Variants in TET2 observed in about 807,000 individuals in gnomAD.
TET2 encodes tet methylcytosine dioxygenase 2, also known as methylcytosine dioxygenase TET2.
TET2 carries 299 observed loss-of-function variants against 142.9 expected under a neutral mutation model. The ratio of observed to expected loss-of-function variants is 2.09; its 90% CI spans 1.90 to 2.30. TET2 has a LOEUF of 2.30. TET2 is among the 30% of genes most tolerant of loss of function. The pLI is 0.00. For synonymous variants in TET2, 819 were observed against 849.0 expected, an observed-to-expected ratio of 0.96 and a Z score of 0.61; for missense variants, 2,418 against 2,378.0, an observed-to-expected ratio of 1.02 and a Z score of -0.35.
At position 105,277,737 on chromosome 4, in the gene TET2, C is replaced by CA. The variant is rs1367762874; in HGVS notation, c.*1223dup. ...AAAATTGTATGACAAGTTCATTGCT[C>CA]AAAAATGTACAGTTTTAAGAATTTT... On this transcript the variant is annotated 3_prime_UTR_variant, in exon 11 of 11. Transcript: ENST00000380013. 1 of 227,730 alleles carries CA rather than the reference C, an allele frequency of 4.4e-6. No individual in the cohort carries two copies. Among genetic ancestry groups the CA allele is most frequent in the Non-Finnish European group, 8.7e-6 (1 of 114,812 alleles). The allele number at this position is 227,730 out of a possible 1,614,324, so 14.1% of individuals were successfully genotyped here. A position where few individuals can be genotyped will look rare whatever the true frequency, so the allele number is the denominator to read the frequency against.
At chr4:105,233,866 A>G (rs774406894) in intron 2 of TET2, 31 bp from the exon 3 acceptor site, 9 of 1,176,876 alleles carry the variant, frequency 7.6e-6, no homozygotes, top group South Asian at 1.5e-5. Context: ...AGAAATAAAC[A>G]CATTTTAATT....
At chr4:105,158,149 G>A (rs1247000545) in intron 1 of TET2, among the ~76,000 whole-genome samples, 1 of 152,052 alleles carries the variant, frequency 6.6e-6, no homozygotes, top group Non-Finnish European at 1.5e-5. Context: ...CTAGGGTATG[G>A]CATTTTAAAG....
chr4:105,275,164 C>G lies in TET2; in HGVS notation c.4654C>G (p.Pro1552Ala). Residue 1552 changes from proline to alanine, a missense_variant, in exon 11 of 11, where the codon CCT becomes GCT. Transcript: ENST00000380013. ...ACCCCAGCAGCAGCAGCCACATCAC[C>G]CTCAGACAGAGTCTGTCAACTCTTA... ...QRPQQQQPHH[P>A]QTESVNSYSA... is the part of the protein sequence containing the mutation. The G allele has an allele frequency of 6.4e-7, 1 of 1,552,220 alleles. No homozygotes were observed. Among genetic ancestry groups the G allele is most frequent in the Non-Finnish European group, 8.7e-7 (1 of 1,147,094 alleles).
chr4:105,236,299 A>C lies in TET2; in HGVS notation c.2357A>C (p.His786Pro). The C allele has an allele frequency of 1.2e-6, 2 of 1,614,126 alleles. No individual in the cohort carries two copies. The highest frequency in any genetic ancestry group is 1.7e-6 in the Non-Finnish European group (2 of 1,180,014). Reference protein sequence around the residue: ...FGQTKVEECFHGENQYSKSSE... With the variant: ...FGQTKVEECFPGENQYSKSSE... The stretch of plus-strand genomic sequence containing the variant: ...CAGACTAAAGTGGAAGAATGTTTTC[A>C]TGGTGAAAATCAGTATTCAAAATCA... The change falls in exon 3 of 11, where the codon CAT (histidine) becomes CCT (proline). Residue 786 changes from histidine to proline, a missense_variant. Physicochemically the swap from His to Pro is moderately conservative, Grantham distance 77 (BLOSUM62 -2). Coordinates refer to ENST00000380013, the MANE Select transcript of TET2 (RefSeq NM_001127208.3).
In TET2 at chr4:105,159,251, CT is replaced by C. The variant is rs779676545; in HGVS notation, c.-193+12290del. ...GATTAATCTTTTTCTTTCTTTCTTT[CT>C]TTTTTTTTTTTTTTTTTGAGACGGA... On this transcript the variant is annotated intron_variant, in intron 1 of 10. Transcript: ENST00000380013. Among the ~76,000 whole-genome samples the C allele has an allele frequency of 4.9e-3, 658 of 134,562 alleles. 1 individual carries two copies. The highest frequency in any genetic ancestry group is 0.013 in the African/African-American group (457 of 35,952). The allele number at this position is 134,562 out of a possible 152,430, so 88.3% of individuals were successfully genotyped here.
At chr4:105,253,905 C>T (rs1200901800) in intron 6 of TET2, among the ~76,000 whole-genome samples, 2 of 152,062 alleles carry the variant, frequency 1.3e-5, no homozygotes, top group Non-Finnish European at 2.9e-5. Flanking sequence ...TTTGTAAATA[C>T]TTTTTTTCCA....
chr4:105,146,172 C>G (rs1190785475), upstream of TET2: 2 of 152,712 alleles, frequency 1.3e-5, no homozygotes, highest in Non-Finnish European at 2.9e-5. Context: ...CGTGCGGGTA[C>G]ACTCCGGAGG....
At chr4:105,169,663 G>A (rs1221679070) in intron 1 of TET2, among the ~76,000 whole-genome samples, 1 of 152,158 alleles carries the variant, frequency 6.6e-6, no homozygotes, top group African/African-American at 2.4e-5. Flanking sequence ...CTAAGCCAAT[G>A]TCTAGAAGGG....
Position 105,275,900 on chromosome 4 carries a change from T to C in TET2, c.5390T>C (p.Leu1797Ser). The stretch of plus-strand genomic sequence containing the variant: ...ATGCTTTCCCACACAGCTAATGGGT[T>C]ATCAAAGATGCTTCCAGCTCTTAAC... Reference protein sequence around the residue: ...NDMLSHTANGLSKMLPALNHD... With the variant: ...NDMLSHTANGSSKMLPALNHD... Residue 1797 changes from leucine to serine, a missense_variant, in exon 11 of 11, where the codon TTA becomes TCA. By Grantham distance (145) the Leu-to-Ser change is moderately radical. Transcript: ENST00000380013. 2 of 1,552,078 alleles carry C rather than the reference T, an allele frequency of 1.3e-6. No individual in the cohort carries two copies. Among genetic ancestry groups the C allele is most frequent in the South Asian group, 1.2e-5 (1 of 84,066 alleles).
intron 2 of TET2, among the ~76,000 whole-genome samples, chr4:105,218,053 T>C (rs1316673976): frequency 6.6e-6 from 1 of 152,104 alleles, no homozygotes; most frequent in Admixed American, 6.6e-5. Context: ...TAAACAAAAT[T>C]GTAAGTTTAT....
chr4:105,219,030 A>G (rs1261419745), intron 2 of TET2, among the ~76,000 whole-genome samples: 3 of 151,808 alleles, frequency 2.0e-5, no homozygotes, highest in Non-Finnish European at 4.4e-5. Context: ...GTTATATGAT[A>G]CTCTTTTAAA....
chr4:105,260,292 G>A (rs566030265), intron 7 of TET2, among the ~76,000 whole-genome samples: 1 of 152,136 alleles, frequency 6.6e-6, no homozygotes, highest in African/African-American at 2.4e-5. Flanking sequence ...TTTTTGTCTT[G>A]TCTGTAGAAT....
intron 2 of TET2, among the ~76,000 whole-genome samples, chr4:105,223,058 C>T (rs1027895400): frequency 6.6e-6 from 1 of 152,134 alleles, no homozygotes; most frequent in Admixed American, 6.5e-5. Context: ...GGGCTCTGTT[C>T]TGTTCCATTG....
chr4:105,195,599 A>G lies in TET2; in HGVS notation c.-47+5094A>G, dbSNP rs367842512. Among the ~76,000 whole-genome samples, 2 of 152,252 alleles carry G rather than the reference A, an allele frequency of 1.3e-5. 1 individual carries two copies. Among genetic ancestry groups the G allele is most frequent in the African/African-American group, 4.8e-5 (2 of 41,550 alleles). On this transcript the variant is annotated intron_variant, in intron 2 of 10. Transcript: ENST00000380013. Reference sequence around the variant, plus strand: ...CCCATATACTTCGAATCATCTCTCGATTATTTATAATACTACAATGTCCAT... The same window carrying G: ...CCCATATACTTCGAATCATCTCTCGGTTATTTATAATACTACAATGTCCAT...
chr4:105,236,814 C>T lies in TET2; in HGVS notation c.2872C>T (p.Gln958Ter), dbSNP rs749121114. The T allele has an allele frequency of 3.7e-6, 6 of 1,614,008 alleles. No individual in the cohort carries two copies. Among genetic ancestry groups the T allele is most frequent in the Admixed American group, 1.7e-5 (1 of 59,980 alleles). Residue 958 changes from glutamine to a stop codon, truncating the protein, a stop_gained, in exon 3 of 11, where the codon CAG becomes TAG. Coordinates refer to ENST00000380013, the MANE Select transcript of TET2 (RefSeq NM_001127208.3). LOFTEE classifies it high-confidence loss of function. ...KHAALRWHLL[Q>*]KQEQQQTQQP... is the part of the protein sequence containing the mutation. ...TGCTGCTCTAAGGTGGCATCTCTTACAGAAGCAAGAACAGCAGCAAACACA... is the reference window on the plus strand; with the variant it reads ...TGCTGCTCTAAGGTGGCATCTCTTATAGAAGCAAGAACAGCAGCAAACACA...
At chr4:105,208,922 A>G (rs556558533) in intron 2 of TET2, among the ~76,000 whole-genome samples, 16 of 151,498 alleles carry the variant, frequency 1.1e-4, no homozygotes, top group African/African-American at 3.9e-4. Flanking sequence ...TGAAACAAGG[A>G]TAAAGAGACA....
intron 10 of TET2, among the ~76,000 whole-genome samples, chr4:105,273,143 C>T (rs554807717): frequency 1.5e-3 from 232 of 152,204 alleles, no homozygotes; most frequent in Admixed American, 5.2e-3. Context: ...TACCAATAGG[C>T]GCCAGTGTGT....
At chr4:105,164,847 C>T (rs1461103082) in intron 1 of TET2, among the ~76,000 whole-genome samples, 1 of 152,092 alleles carries the variant, frequency 6.6e-6, no homozygotes, top group African/African-American at 2.4e-5. Flanking sequence ...TACTTCCATC[C>T]CTTTTATTGT....
At chr4:105,227,465 C>T (rs959829819) in intron 2 of TET2, among the ~76,000 whole-genome samples, 2 of 152,140 alleles carry the variant, frequency 1.3e-5, no homozygotes, top group African/African-American at 4.8e-5. Context: ...GGCATGGACT[C>T]TTTTGCATAC....
Sources: allele counts gnomAD v4.1 joint callset (sites outside exome capture counted in the v4.1 genomes callset), GRCh38; gene constraint gnomAD v4.1.1; transcripts MANE v1.5; gene names NCBI Gene and HGNC (gene_info 2026-07-23, HGNC 2026-07-21).